The following SPG7 variants were observed in gnomAD, a reference collection of about 807,000 sequenced individuals.
SPG7 encodes SPG7 matrix AAA peptidase subunit, paraplegin.
Under a neutral mutation model 81.9 loss-of-function variants are expected in SPG7, and 103 were observed. The observed-to-expected ratio is 1.26, with a 90% CI of 1.07 to 1.48. SPG7 has a LOEUF of 1.48. Among genes scored for constraint, SPG7 ranks in the 40% most tolerant of loss-of-function variants. The pLI is 0.00. For missense variants in SPG7, 1,241 were observed against 1,087.3 expected, an observed-to-expected ratio of 1.14 and a Z score of -1.99; for synonymous variants, 534 against 444.2, an observed-to-expected ratio of 1.20 and a Z score of -2.54.
intron 16 of SPG7, chr16:89,555,493 C>T (rs886908548): frequency 5.9e-6 from 1 of 168,262 alleles, no homozygotes; most frequent in Non-Finnish European, 1.3e-5. Context: ...TGAGGAGCCC[C>T]CGCCGACCCG....
intron 1 of SPG7, among the ~76,000 whole-genome samples, chr16:89,509,352 G>A (rs2057980176): frequency 2.0e-5 from 3 of 151,902 alleles, no homozygotes; most frequent in Non-Finnish European, 4.4e-5. Context: ...CCGGGTTCAA[G>A]CGATTCTCCT....
Position 89,544,740 on chromosome 16 carries a change from C to T in SPG7, c.1417C>T (p.Arg473Trp), listed in dbSNP as rs372417357. 20 of 1,614,084 alleles carry T rather than the reference C, an allele frequency of 1.2e-5. No individual in the cohort carries two copies. The highest frequency in any genetic ancestry group is 1.6e-4 in the Middle Eastern group (1 of 6,062). The change falls in exon 10 of 17, where the codon CGG (arginine) becomes TGG (tryptophan). Residue 473 changes from arginine to tryptophan, a missense_variant. Coordinates refer to ENST00000645818, the MANE Select transcript of SPG7 (RefSeq NM_003119.4). ...TCTGATGAGGCCAGGCCGACTGGAC[C>T]GGCACGTCTTCATTGATCTCCCCAC... ...GALMRPGRLD[R>W]HVFIDLPTLQ...
chr16:89,556,318 AAC>A (rs2058687193), intron 16 of SPG7: 1 of 377,362 alleles, frequency 2.6e-6, no homozygotes, highest in African/African-American at 2.1e-5. Flanking sequence ...CAACAACAAC[AAC>A]AAAAAATCTG....
intron 1 of SPG7, 26 bp from the exon 2 acceptor site, chr16:89,510,464 C>T (rs767568533): frequency 8.5e-5 from 115 of 1,346,622 alleles, no homozygotes; most frequent in Admixed American, 5.2e-5. Flanking sequence ...GTGTGACCTC[C>T]AGTATTGTTT....
chr16:89,532,664 A>C (rs376462136), intron 9 of SPG7, 28 bp downstream of exon 9: 5 of 1,611,870 alleles, frequency 3.1e-6, no homozygotes, highest in Non-Finnish European at 4.2e-6. Context: ...CCGCACCCCC[A>C]TTGCACCATC....
At chr16:89,546,582 C>CG in intron 10 of SPG7, 76 bp from the exon 11 acceptor site, 1 of 976,232 alleles carries the variant, frequency 1.0e-6, no homozygotes. Flanking sequence ...CCCCCCCCCC[C>CG]CACAGACAAA....
chr16:89,554,823 G>A, intron 16 of SPG7: 1 of 437,660 alleles, frequency 2.3e-6, no homozygotes. Flanking sequence ...AATTACCAAT[G>A]TTTTGTCAGT....
intron 16 of SPG7, 60 bp downstream of exon 16, chr16:89,554,623 G>C (rs758212016): frequency 8.9e-7 from 1 of 1,126,758 alleles, no homozygotes; most frequent in South Asian, 1.3e-5. Context: ...CAGCACCCAC[G>C]GTCCCCACCC....
At chr16:89,547,074 G>C (rs1445132820) in intron 11 of SPG7, 6 of 380,286 alleles carry the variant, frequency 1.6e-5, no homozygotes, top group African/African-American at 1.2e-4. Context: ...GTCAGACCCA[G>C]AGTCAGACCA....
intron 14 of SPG7, 145 bp from the exon 15 acceptor site, chr16:89,553,649 C>G: frequency 2.7e-6 from 2 of 732,946 alleles, no homozygotes; most frequent in Non-Finnish European, 4.7e-6. Context: ...TGCCAACGTC[C>G]TCACTGTCCA....
chr16:89,544,544 A>AG (rs1278131250), intron 9 of SPG7, 104 bp from the exon 10 acceptor site: 119 of 1,359,828 alleles, frequency 8.8e-5, no homozygotes, highest in South Asian at 1.3e-4. Context: ...TCTGGGCCTT[A>AG]GGGGGGTCTC....
intron 2 of SPG7, among the ~76,000 whole-genome samples, chr16:89,511,076 G>A (rs945820184): frequency 2.6e-5 from 4 of 152,264 alleles, no homozygotes; most frequent in East Asian, 3.9e-4. Context: ...GGACTCAAGC[G>A]ATCAGCCTGC....
intron 9 of SPG7, chr16:89,537,045 G>T: frequency 6.3e-7 from 1 of 1,597,324 alleles, no homozygotes; most frequent in Non-Finnish European, 8.5e-7. Context: ...CTGGGAATCC[G>T]CTGACTGAAG....
chr16:89,535,555 C>T (rs1443491345), intron 9 of SPG7, among the ~76,000 whole-genome samples: 1 of 152,218 alleles, frequency 6.6e-6, no homozygotes, highest in East Asian at 1.9e-4. Flanking sequence ...CTGCCTTCTG[C>T]ACACACAGCA....
chr16:89,531,791 T>G (rs2058345738), intron 7 of SPG7, 113 bp from the exon 8 acceptor site: 2 of 1,039,584 alleles, frequency 1.9e-6, no homozygotes, highest in South Asian at 2.7e-5. Context: ...TGCAGTGAGC[T>G]ATCATGGCAC....
intron 10 of SPG7, chr16:89,545,797 G>C: frequency 5.5e-6 from 2 of 366,100 alleles, no homozygotes; most frequent in South Asian, 4.1e-5. Context: ...AGCATTTGCT[G>C]TGTGTGACGT....
rs141065708 is a variant in SPG7, at chr16:89,524,145, C to G, written c.516C>G (p.His172Gln). The part of the protein sequence containing the change: ...GGSISWNDFV[H>Q]EMLAKGEVQR... ...GCATTTCCTGGAACGACTTTGTCCA[C>G]GAGATGCTGGCCAAGGGCGAGGTGC... is the stretch of plus-strand genomic sequence containing the variant. Residue 172 changes from histidine to glutamine, a missense_variant, in exon 4 of 17, where the codon CAC (histidine) becomes CAG (glutamine). By Grantham distance (24) the His-to-Gln change is conservative (BLOSUM62 0). Transcript: ENST00000645818. 1.9e-6 allele frequency: 3 copies of G among 1,614,096 alleles called. No homozygotes were observed. The highest frequency in any genetic ancestry group is 2.5e-6 in the Non-Finnish European group (3 of 1,180,034).
chr16:89,516,914 A>G (rs1272650497), intron 3 of SPG7: 1 of 151,888 alleles, frequency 6.6e-6, no homozygotes, highest in Non-Finnish European at 1.5e-5. Context: ...TCTTGTCTCA[A>G]AAAAAAAGAA....
intron 16 of SPG7, chr16:89,555,744 G>A (rs1169380895): frequency 2.5e-6 from 1 of 397,664 alleles, no homozygotes; most frequent in Admixed American, 4.4e-5. Context: ...TGGAGTGAAC[G>A]TTTTTGTCCC....
Sources: allele counts gnomAD v4.1 joint callset (sites outside exome capture counted in the v4.1 genomes callset), GRCh38; gene constraint gnomAD v4.1.1; transcripts MANE v1.5; gene names NCBI Gene and HGNC (gene_info 2026-07-23, HGNC 2026-07-21).